Variants in EPM2A observed in about 807,000 individuals in gnomAD.
EPM2A encodes the protein EPM2A glucan phosphatase, laforin.
A neutral mutation model predicts 26.5 loss-of-function variants in EPM2A; 21 were observed. That is an observed-to-expected ratio of 0.79 (90% CI 0.56 to 1.14). The LOEUF (loss-of-function observed/expected upper bound fraction) is 1.14, where lower values mean the gene tolerates loss of function less well. EPM2A is among the 50% of genes most tolerant of loss of function. The pLI is 0.00. For synonymous variants in EPM2A, 217 were observed against 177.6 expected, an observed-to-expected ratio of 1.22 and a Z score of -1.76; for missense variants, 458 against 440.8, an observed-to-expected ratio of 1.04 and a Z score of -0.35.
intron 2 of EPM2A, among the ~76,000 whole-genome samples, chr6:145,654,871 C>A (rs537201646): frequency 5.1e-4 from 78 of 152,200 alleles, no homozygotes; most frequent in Non-Finnish European, 9.6e-4. Flanking sequence ...TTTCTAGATT[C>A]TCTTACTTCA....
At chr6:145,662,423 G>A (rs1165863079) in intron 2 of EPM2A, among the ~76,000 whole-genome samples, 4 of 142,550 alleles carry the variant, frequency 2.8e-5, no homozygotes, top group Non-Finnish European at 4.6e-5. Context: ...ACTAGACCAA[G>A]AAAAATTAGC....
intron 2 of EPM2A, among the ~76,000 whole-genome samples, chr6:145,644,046 C>T (rs933287506): frequency 5.3e-5 from 8 of 151,984 alleles, no homozygotes; most frequent in Admixed American, 2.6e-4. Context: ...GACCACAGTT[C>T]GAGTATCAAC....
At chr6:145,513,714 A>C (rs1780086706) in intron 2 of EPM2A, among the ~76,000 whole-genome samples, 1 of 152,238 alleles carries the variant, frequency 6.6e-6, no homozygotes, top group South Asian at 2.1e-4. Flanking sequence ...CAAGTGATGA[A>C]GTACTTACTT....
At chr6:145,447,055 C>T (rs1779136673) in intron 4 of EPM2A, among the ~76,000 whole-genome samples, 1 of 152,084 alleles carries the variant, frequency 6.6e-6, no homozygotes, top group South Asian at 2.1e-4. Context: ...ATTTACTTTT[C>T]ATTTATTATA....
chr6:145,587,474 A>T (rs1781212951), intron 2 of EPM2A, among the ~76,000 whole-genome samples: 1 of 152,180 alleles, frequency 6.6e-6, no homozygotes, highest in Non-Finnish European at 1.5e-5. Context: ...ATATTGAGAA[A>T]CAAGTTGCAG....
intron 1 of EPM2A, among the ~76,000 whole-genome samples, chr6:145,732,234 T>C (rs915858371): frequency 4.5e-5 from 5 of 111,726 alleles, no homozygotes; most frequent in African/African-American, 9.0e-5. Context: ...TGTGTGTGTG[T>C]GTGCGCGCCA....
chr6:145,627,810 G>T (rs986127092), intron 3 of EPM2A, 117 bp from the exon 4 acceptor site: 1 of 1,425,300 alleles, frequency 7.0e-7, no homozygotes, highest in East Asian at 2.5e-5. Flanking sequence ...GCAGGGATAC[G>T]AGAGTTTGCT....
intron 4 of EPM2A, chr6:145,490,209 T>C: frequency 9.1e-7 from 1 of 1,102,682 alleles, no homozygotes; most frequent in South Asian, 1.5e-5. Context: ...AGATGCCTCA[T>C]TAATTTACTT....
At chr6:145,571,637 G>T (rs1316986796) in intron 2 of EPM2A, among the ~76,000 whole-genome samples, 1 of 152,166 alleles carries the variant, frequency 6.6e-6, no homozygotes, top group Non-Finnish European at 1.5e-5. Context: ...CTAAGCAATG[G>T]TGCCATATCG....
intron 2 of EPM2A, among the ~76,000 whole-genome samples, chr6:145,573,804 C>T (rs141531377): frequency 1.3e-3 from 197 of 152,136 alleles, no homozygotes; most frequent in African/African-American, 3.8e-3. Flanking sequence ...AGGATGAGTC[C>T]GGAGACCCGC....
intron 4 of EPM2A, among the ~76,000 whole-genome samples, chr6:145,445,465 G>A (rs2114704347): frequency 6.6e-6 from 1 of 152,286 alleles, no homozygotes; most frequent in Non-Finnish European, 1.5e-5. Flanking sequence ...ATCCAGTATA[G>A]AGAATCTAGG....
intron 4 of EPM2A, among the ~76,000 whole-genome samples, chr6:145,390,486 C>G (rs1341988859): frequency 6.6e-6 from 1 of 151,964 alleles, no homozygotes; most frequent in Non-Finnish European, 1.5e-5. Context: ...GATAGTTCTG[C>G]AGGAAAATTT....
At chr6:145,655,490 A>G (rs1488069704) in intron 2 of EPM2A, among the ~76,000 whole-genome samples, 1 of 152,212 alleles carries the variant, frequency 6.6e-6, no homozygotes, top group Non-Finnish European at 1.5e-5. Flanking sequence ...AAGTTCACAA[A>G]AAAGTGAACT....
intron 2 of EPM2A, among the ~76,000 whole-genome samples, chr6:145,539,733 T>A (rs1780481724): frequency 6.6e-6 from 1 of 152,234 alleles, no homozygotes; most frequent in East Asian, 1.9e-4. Flanking sequence ...CATGACTTTT[T>A]GTTTTCCGTA....
At position 145,645,525 on chromosome 6, in the gene EPM2A, G is replaced by A. The variant is rs1777396908; in HGVS notation, c.477-10039C>T. 3.9e-5 allele frequency among the ~76,000 whole-genome samples: 6 copies of A among 151,914 alleles called. No homozygotes were observed. The South Asian group carries it at 8.3e-4, about 21-fold the overall frequency. On this transcript the variant is annotated intron_variant, in intron 2 of 3. Coordinates refer to ENST00000367519, the MANE Select transcript of EPM2A (RefSeq NM_005670.4). ...TTGCTACGCTGCCCATGCTAATGTC[G>A]AACTCCCCACCTCAAGTAACCCTTC... is the stretch of plus-strand genomic sequence containing the variant.
At chr6:145,529,754 C>A (rs1780328809) in intron 2 of EPM2A, among the ~76,000 whole-genome samples, 1 of 152,156 alleles carries the variant, frequency 6.6e-6, no homozygotes, top group Non-Finnish European at 1.5e-5. Flanking sequence ...GTAAACACTG[C>A]ACAGCATTGA....
intron 4 of EPM2A, among the ~76,000 whole-genome samples, chr6:145,437,222 G>GC (rs1452452246): frequency 1.3e-5 from 2 of 150,812 alleles, no homozygotes; most frequent in East Asian, 2.0e-4. Context: ...TTCCCCCACC[G>GC]CCCCCCTCCT....
chr6:145,444,281 C>T (rs967703575), intron 4 of EPM2A, among the ~76,000 whole-genome samples: 4 of 152,202 alleles, frequency 2.6e-5, no homozygotes, highest in Non-Finnish European at 4.4e-5. Context: ...TCCTTTAATA[C>T]CTAGTTTATT....
At chr6:145,453,491 G>C (rs1779223925) in intron 4 of EPM2A, among the ~76,000 whole-genome samples, 1 of 149,802 alleles carries the variant, frequency 6.7e-6, no homozygotes, top group South Asian at 2.1e-4. Context: ...TAAACCAAAA[G>C]AAAAAAAAAC....
Sources: allele counts gnomAD v4.1 joint callset (sites outside exome capture counted in the v4.1 genomes callset), GRCh38; gene constraint gnomAD v4.1.1; transcripts MANE v1.5; gene names NCBI Gene and HGNC (gene_info 2026-07-23, HGNC 2026-07-21).